NCOR1: variants seen among roughly 807,000 people sequenced by gnomAD.
The protein encoded by NCOR1 is protein phosphatase 1, regulatory subunit 109.
A neutral mutation model predicts 288.1 loss-of-function variants in NCOR1; 63 were observed. The observed-to-expected ratio is 0.22, with a 90% CI of 0.18 to 0.27. The LOEUF is 0.27. Ranked by LOEUF, NCOR1 falls within the 10% of genes least tolerant of loss-of-function variation. The pLI, the probability that NCOR1 is intolerant of heterozygous loss-of-function variation, is 1.00. For synonymous variants in NCOR1, 1,007 were observed against 1,065.9 expected (o/e 0.94, Z 1.08); for missense variants, 2,397 against 3,019.2 (o/e 0.79, Z 4.83).
chr17:16,160,643 T>C (rs1396254177), intron 5 of NCOR1, among the ~76,000 whole-genome samples: 2 of 152,100 alleles, frequency 1.3e-5, no homozygotes, highest in Non-Finnish European at 2.9e-5. Context: ...ATACAAAAAA[T>C]TAGCTCGGTG....
Position 16,119,406 on chromosome 17 carries a change from GAAC to G in NCOR1, c.1915+14_1915+16del, listed in dbSNP as rs749976496. 12 of 1,585,260 alleles carry G rather than the reference GAAC, an allele frequency of 7.6e-6. No homozygotes were observed. The highest frequency in any genetic ancestry group is 4.5e-5 in the East Asian group (2 of 44,450). On this transcript the variant is annotated intron_variant, in intron 17 of 45. Coordinates refer to ENST00000268712, the MANE Select transcript of NCOR1 (RefSeq NM_006311.4). ...AACAAAACAAAAACCTGAGAAACCA[GAAC>G]TACTACAATTTACCTTTTTTAGCAA...
intron 1 of NCOR1, chr17:16,198,050 C>T (rs2090155580): frequency 6.6e-6 from 1 of 151,920 alleles, no homozygotes; most frequent in Admixed American, 6.6e-5. Flanking sequence ...CTGTATCTTG[C>T]TTTTATTACT....
Position 16,070,167 on chromosome 17 carries a change from T to C in NCOR1, c.4511A>G (p.Asp1504Gly). 1 of 1,594,750 alleles carries C rather than the reference T, an allele frequency of 6.3e-7. No homozygotes were observed. The highest frequency in any genetic ancestry group is 8.5e-7 in the Non-Finnish European group (1 of 1,170,734). The change falls in exon 31 of 46, where the codon GAT becomes GGT. Residue 1504 changes from aspartate (D) to glycine (G), a missense_variant and splice_region_variant. Asp to Gly is a moderately conservative substitution (Grantham distance 94). Around this residue, in one of 11 missense-constraint regions of NCOR1, gnomAD observed 1,872 missense variants for 2,187.8 expected, o/e 0.86. Transcript: ENST00000268712. ...RGSPMMNRTS[D>G]VTISSNKSTN... ...ACCAAGCAACAAAAGTAACATACCA[T>C]CAGAAGTTCTGTTCATCATGGGTGA...
intron 14 of NCOR1, among the ~76,000 whole-genome samples, chr17:16,127,673 A>G (rs537279122): frequency 2.2e-4 from 32 of 144,976 alleles, no homozygotes; most frequent in African/African-American, 8.4e-4. Flanking sequence ...ATATGTATAT[A>G]TGTGTATGTG....
intron 22 of NCOR1, chr17:16,087,132 T>A (rs2064367504): frequency 7.8e-7 from 1 of 1,285,068 alleles, no homozygotes; most frequent in African/African-American, 1.5e-5. Flanking sequence ...CATCTGTGGG[T>A]GGATGGCCAG....
intron 14 of NCOR1, among the ~76,000 whole-genome samples, chr17:16,127,939 A>C (rs1348775047): frequency 6.6e-6 from 1 of 151,298 alleles, no homozygotes; most frequent in East Asian, 1.9e-4. Context: ...GCAGCCTCAA[A>C]CTCCCAGGCT....
At chr17:16,078,463 G>A (rs2062870213) in intron 26 of NCOR1, among the ~76,000 whole-genome samples, 1 of 152,194 alleles carries the variant, frequency 6.6e-6, no homozygotes, top group Non-Finnish European at 1.5e-5. Flanking sequence ...CCCACAGTTT[G>A]GATGCCAGAG....
intron 2 of NCOR1, among the ~76,000 whole-genome samples, chr17:16,190,761 G>A (rs1378058839): frequency 6.6e-6 from 1 of 152,212 alleles, no homozygotes; most frequent in Non-Finnish European, 1.5e-5. Context: ...ACACTGCTCA[G>A]AATTACCTTC....
chr17:16,113,806 T>A (rs2070879449), intron 18 of NCOR1, among the ~76,000 whole-genome samples: 1 of 151,910 alleles, frequency 6.6e-6, no homozygotes, highest in Non-Finnish European at 1.5e-5. Context: ...GGCAGGAGAA[T>A]TGCTTGAACC....
At position 16,092,695 on chromosome 17, in the gene NCOR1, AT is replaced by A. The variant is rs1184440315; in HGVS notation, c.2821-638del. 4.5e-3 allele frequency among the ~76,000 whole-genome samples: 101 copies of A among 22,490 alleles called. 1 individual carries two copies. The highest frequency in any genetic ancestry group is 9.1e-3 in the African/African-American group (44 of 4,838). The allele number at this position is 22,490 out of a possible 152,430, so 14.8% of individuals were successfully genotyped here. ...TATATATATATATATATATATATAT[AT>A]TTTTTTTTTTTTTTTTTTTTAAGAC... On this transcript the variant is annotated intron_variant, in intron 21 of 45. Coordinates refer to ENST00000268712, the MANE Select transcript of NCOR1 (RefSeq NM_006311.4).
intron 4 of NCOR1, among the ~76,000 whole-genome samples, chr17:16,169,976 A>AT (rs1464583650): frequency 6.6e-6 from 1 of 152,174 alleles, no homozygotes; most frequent in Non-Finnish European, 1.5e-5. Flanking sequence ...ACGGCAAAGA[A>AT]TTTTTCCCCA....
intron 18 of NCOR1, among the ~76,000 whole-genome samples, chr17:16,112,751 C>T (rs995246553): frequency 6.6e-6 from 1 of 151,774 alleles, no homozygotes; most frequent in Non-Finnish European, 1.5e-5. Context: ...GGCCTCCCAA[C>T]GTGCTGGGAT....
At chr17:16,172,163 T>C (rs772627628) in intron 3 of NCOR1, 168 bp from the exon 4 acceptor site, 102 of 446,770 alleles carry the variant, frequency 2.3e-4, no homozygotes, top group Non-Finnish European at 3.4e-4. Context: ...TACCTCACTA[T>C]AGTACCATTA....
chr17:16,114,716 G>A (rs2153098444), intron 18 of NCOR1, among the ~76,000 whole-genome samples: 1 of 152,324 alleles, frequency 6.6e-6, no homozygotes, highest in Admixed American at 6.5e-5. Flanking sequence ...CTCACGTCCA[G>A]GTCGTGCTGA....
In NCOR1 at chr17:16,065,114, G is replaced by A. The variant is rs2060974494; in HGVS notation, c.4952-95C>T. 3.5e-6 allele frequency: 4 copies of A among 1,132,924 alleles called. No homozygotes were observed. The South Asian group carries it at 6.4e-5, about 18-fold the overall frequency. 70.2% of individuals were successfully genotyped at this position (1,132,924 alleles called of 1,614,324 possible). ...TTTTGTCTATCTCTGTGAATCAAGG[G>A]TAATTTGTACATAATATAAATAAAA... is the stretch of plus-strand genomic sequence containing the variant. On this transcript the variant is annotated intron_variant, in intron 33 of 45. Transcript: ENST00000268712.
chr17:16,093,764 G>T (rs187515387), intron 21 of NCOR1, among the ~76,000 whole-genome samples: 42 of 152,220 alleles, frequency 2.8e-4, no homozygotes, highest in African/African-American at 9.9e-4. Flanking sequence ...GAGCTGTTTT[G>T]ATCCAATGAA....
rs569876529 is a variant in NCOR1, at chr17:16,042,625, T to C, written c.6680-2131A>G. Among the ~76,000 whole-genome samples the C allele has an allele frequency of 3.9e-5, 6 of 152,304 alleles. No homozygotes were observed. In the South Asian group the frequency reaches 1.2e-3, roughly 32 times the overall value. ...AAGAATGTGGTAACTGCTCAGAAAT[T>C]AGCAGAATGGAAGGTAGACATGTGA... On this transcript the variant is annotated intron_variant, in intron 42 of 45. Coordinates refer to ENST00000268712, the MANE Select transcript of NCOR1 (RefSeq NM_006311.4).
chr17:16,064,814 G>A, intron 34 of NCOR1, 56 bp downstream of exon 34: 1 of 1,459,146 alleles, frequency 6.9e-7, no homozygotes, highest in East Asian at 2.4e-5. Flanking sequence ...AGGCTATGTT[G>A]TAAAAATGTA....
intron 1 of NCOR1, among the ~76,000 whole-genome samples, chr17:16,206,030 T>C (rs1188773420): frequency 6.6e-6 from 1 of 151,254 alleles, no homozygotes; most frequent in Non-Finnish European, 1.5e-5. Flanking sequence ...CCAATCAGAA[T>C]CACATTTTTT....
Sources: allele counts gnomAD v4.1 joint callset (sites outside exome capture counted in the v4.1 genomes callset), GRCh38; gene constraint gnomAD v4.1.1; regional missense constraint gnomAD v4.1.1; transcripts MANE v1.5; gene names NCBI Gene and HGNC (gene_info 2026-07-23, HGNC 2026-07-21).